EPYC: variants seen among roughly 807,000 people sequenced by gnomAD.
EPYC encodes epiphycan, also known as dermatan sulfate proteoglycan 3.
In EPYC, 28 loss-of-function variants were observed where a neutral mutation model predicts 30.1. The ratio of observed to expected loss-of-function variants is 0.93; its 90% CI spans 0.69 to 1.28. The LOEUF (loss-of-function observed/expected upper bound fraction) is 1.28, where lower values mean the gene tolerates loss of function less well. Ranked by LOEUF, EPYC falls within the 50% of genes most tolerant of loss-of-function variation. The pLI is 0.00. For synonymous variants in EPYC, 144 were observed against 141.4 expected (o/e 1.02, Z -0.13); for missense variants, 382 against 383.5 (o/e 1.00, Z 0.03).
At chr12:90,982,677 C>A (rs1877349051) in intron 2 of EPYC, among the ~76,000 whole-genome samples, 1 of 152,136 alleles carries the variant, frequency 6.6e-6, no homozygotes, top group African/African-American at 2.4e-5. Flanking sequence ...TGGTAACCAT[C>A]ATTCCACTCT....
chr12:90,976,888 C>A (rs942803548), intron 3 of EPYC, among the ~76,000 whole-genome samples: 2 of 152,132 alleles, frequency 1.3e-5, no homozygotes, highest in South Asian at 4.1e-4. Flanking sequence ...CTCTTTCTCT[C>A]TTTCCTGCTG....
chr12:91,001,259 G>C (rs1555216281), intron 2 of EPYC, among the ~76,000 whole-genome samples: 1 of 151,956 alleles, frequency 6.6e-6, no homozygotes, highest in Non-Finnish European at 1.5e-5. Flanking sequence ...TATCTTCTTA[G>C]TAAAGATATA....
intron 2 of EPYC, among the ~76,000 whole-genome samples, chr12:90,990,938 A>T (rs1877569665): frequency 6.6e-6 from 1 of 152,124 alleles, no homozygotes; most frequent in Non-Finnish European, 1.5e-5. Context: ...CCTTTTATAC[A>T]TTACAGATTC....
chr12:90,972,755 T>G (rs895306063), intron 4 of EPYC, 67 bp downstream of exon 4: 1 of 1,402,826 alleles, frequency 7.1e-7, no homozygotes, highest in African/African-American at 1.4e-5. Context: ...AGTGCTAACA[T>G]TTAACAATGT....
intron 5 of EPYC, among the ~76,000 whole-genome samples, chr12:90,970,348 A>T (rs1202344925): frequency 6.6e-6 from 1 of 152,218 alleles, no homozygotes; most frequent in Non-Finnish European, 1.5e-5. Flanking sequence ...ATTGGCTACA[A>T]GCAAATATTT....
intron 6 of EPYC, among the ~76,000 whole-genome samples, chr12:90,965,923 T>C (rs1310042453): frequency 6.6e-6 from 1 of 152,038 alleles, no homozygotes; most frequent in Non-Finnish European, 1.5e-5. Flanking sequence ...TTTTTCAGAT[T>C]GTTCATTGCT....
intron 6 of EPYC, among the ~76,000 whole-genome samples, chr12:90,969,071 C>T (rs1384531866): frequency 2.0e-5 from 3 of 150,250 alleles, no homozygotes; most frequent in African/African-American, 7.3e-5. Context: ...TATGTAGACA[C>T]CAAAAATATG....
At chr12:90,976,111 ATTAC>A (rs2120818579) in intron 3 of EPYC, among the ~76,000 whole-genome samples, 1 of 152,248 alleles carries the variant, frequency 6.6e-6, no homozygotes, top group East Asian at 1.9e-4. Context: ...AACTTTTCAT[ATTAC>A]TTATTGAAGA....
At chr12:91,004,609 A>G (rs1031964070) in intron 1 of EPYC, among the ~76,000 whole-genome samples, 6 of 152,050 alleles carry the variant, frequency 3.9e-5, no homozygotes, top group African/African-American at 1.4e-4. Context: ...CAAAATTTCA[A>G]TTAATATCAA....
chr12:90,997,948 G>T (rs1478759760), intron 2 of EPYC, among the ~76,000 whole-genome samples: 1 of 151,952 alleles, frequency 6.6e-6, no homozygotes, highest in Non-Finnish European at 1.5e-5. Flanking sequence ...AATGGGGGCA[G>T]AATAATAGTC....
chr12:90,991,289 A>G (rs1592630020), intron 2 of EPYC, among the ~76,000 whole-genome samples: 1 of 152,172 alleles, frequency 6.6e-6, no homozygotes, highest in Admixed American at 6.5e-5. Flanking sequence ...GGTTTACTAG[A>G]ATTTGCCCTA....
intron 2 of EPYC, among the ~76,000 whole-genome samples, chr12:90,980,798 C>CT (rs1877307477): frequency 6.6e-6 from 1 of 152,128 alleles, no homozygotes; most frequent in Non-Finnish European, 1.5e-5. Context: ...ATGCTCTATT[C>CT]TTTTTTATTT....
At chr12:90,981,182 G>C (rs1184751643) in intron 2 of EPYC, among the ~76,000 whole-genome samples, 1 of 152,106 alleles carries the variant, frequency 6.6e-6, no homozygotes, top group Non-Finnish European at 1.5e-5. Flanking sequence ...GCAGATGTCA[G>C]TATGAAGAGA....
intron 2 of EPYC, among the ~76,000 whole-genome samples, chr12:90,986,719 C>T (rs879416505): frequency 2.0e-5 from 3 of 152,118 alleles, no homozygotes; most frequent in Non-Finnish European, 4.4e-5. Flanking sequence ...CCTGAGTCAA[C>T]CCAGTGCAAA....
intron 4 of EPYC, chr12:90,972,595 G>T (rs148048305): frequency 1.0e-3 from 379 of 375,148 alleles, no homozygotes; most frequent in African/African-American, 7.1e-3. Context: ...AGTTTAAATT[G>T]CTCATTTGAA....
At chr12:90,982,721 A>G (rs1468508788) in intron 2 of EPYC, among the ~76,000 whole-genome samples, 2 of 152,036 alleles carry the variant, frequency 1.3e-5, no homozygotes, top group Admixed American at 6.6e-5. Context: ...GATTCCACAT[A>G]CACTGAGATC....
At chr12:90,995,894 A>G (rs1457848325) in intron 2 of EPYC, among the ~76,000 whole-genome samples, 1 of 151,936 alleles carries the variant, frequency 6.6e-6, no homozygotes, top group East Asian at 1.9e-4. Flanking sequence ...CCCTTCCTGT[A>G]GATCATCTTT....
chr12:90,990,352 G>A (rs908521240), intron 2 of EPYC, among the ~76,000 whole-genome samples: 1 of 151,870 alleles, frequency 6.6e-6, no homozygotes, highest in Non-Finnish European at 1.5e-5. Context: ...TATTATCACA[G>A]GGTAACTACA....
intron 1 of EPYC, among the ~76,000 whole-genome samples, chr12:91,003,764 T>C (rs907188546): frequency 6.6e-6 from 1 of 152,100 alleles, no homozygotes; most frequent in Non-Finnish European, 1.5e-5. Context: ...CCTGTGGTGT[T>C]ACTACCTATG....
Sources: allele counts gnomAD v4.1 joint callset (sites outside exome capture counted in the v4.1 genomes callset), GRCh38; gene constraint gnomAD v4.1.1; transcripts MANE v1.5; gene names NCBI Gene and HGNC (gene_info 2026-07-23, HGNC 2026-07-21).